RYR3: variants seen among roughly 807,000 people sequenced by gnomAD.
RYR3 encodes the protein brain ryanodine receptor-calcium release channel.
In RYR3, 207 loss-of-function variants were observed where a neutral mutation model predicts 584.3. That is an observed-to-expected ratio of 0.35 (90% CI 0.32 to 0.40). RYR3 has a LOEUF of 0.40. RYR3 is among the 10% of genes least tolerant of loss of function. The pLI is 1.00. For missense variants in RYR3, 5,616 were observed against 6,089.2 expected (o/e 0.92, Z 2.59); for synonymous variants, 2,416 against 2,248.5 (o/e 1.07, Z -2.11).
At chr15:33,701,118 C>A (rs767869128) in intron 42 of RYR3, 38 bp downstream of exon 42, 3 of 1,408,752 alleles carry the variant, frequency 2.1e-6, no homozygotes, top group Non-Finnish European at 3.0e-6. Flanking sequence ...GTGTTCTCTT[C>A]GGCCTGTAGT....
intron 2 of RYR3, among the ~76,000 whole-genome samples, chr15:33,481,204 A>G (rs2049933116): frequency 6.6e-6 from 1 of 152,106 alleles, no homozygotes; most frequent in African/African-American, 2.4e-5. Context: ...ATATCTTTAT[A>G]TTTAAAATGT....
chr15:33,490,931 G>A (rs968182903), intron 2 of RYR3, among the ~76,000 whole-genome samples: 1 of 152,118 alleles, frequency 6.6e-6, no homozygotes, highest in African/African-American at 2.4e-5. Context: ...TATCCATGGG[G>A]CTTGGCACGG....
At chr15:33,527,839 C>T (rs980446914) in intron 3 of RYR3, among the ~76,000 whole-genome samples, 1 of 152,104 alleles carries the variant, frequency 6.6e-6, no homozygotes, top group Non-Finnish European at 1.5e-5. Flanking sequence ...GCAGGGAGCA[C>T]AGTTGGAAGG....
intron 19 of RYR3, among the ~76,000 whole-genome samples, chr15:33,614,834 G>A (rs560962431): frequency 2.6e-5 from 4 of 151,742 alleles, no homozygotes; most frequent in African/African-American, 9.7e-5. Context: ...CAAAAGGAAT[G>A]TACATCAAAG....
chr15:33,555,255 T>A (rs2141293055), intron 10 of RYR3, among the ~76,000 whole-genome samples: 1 of 152,282 alleles, frequency 6.6e-6, no homozygotes, highest in African/African-American at 2.4e-5. Flanking sequence ...TGCACCTGTC[T>A]CTGAAACTCT....
intron 99 of RYR3, chr15:33,858,873 C>T (rs2080017477): frequency 6.6e-6 from 1 of 152,442 alleles, no homozygotes; most frequent in Non-Finnish European, 1.5e-5. Flanking sequence ...GGTAACACTT[C>T]TTGACGAAAA....
intron 1 of RYR3, among the ~76,000 whole-genome samples, chr15:33,429,464 C>G (rs1032002701): frequency 3.9e-5 from 6 of 152,226 alleles, no homozygotes; most frequent in African/African-American, 1.4e-4. Context: ...TGAAGGATTC[C>G]TCTTTCTTTC....
chr15:33,783,595 C>A (rs1389470787), intron 65 of RYR3, among the ~76,000 whole-genome samples: 1 of 152,188 alleles, frequency 6.6e-6, no homozygotes. Flanking sequence ...GATGTATTGT[C>A]TATGTGACAT....
chr15:33,495,399 G>A (rs2051325986), intron 2 of RYR3, among the ~76,000 whole-genome samples: 1 of 152,166 alleles, frequency 6.6e-6, no homozygotes, highest in Admixed American at 6.5e-5. Flanking sequence ...CCAGCGGTGT[G>A]ATTGTGGGGA....
At chr15:33,616,701 C>T (rs1181317616) in intron 19 of RYR3, among the ~76,000 whole-genome samples, 4 of 152,136 alleles carry the variant, frequency 2.6e-5, no homozygotes, top group African/African-American at 7.2e-5. Flanking sequence ...AAAAGCAGTG[C>T]CAGTGGGGTG....
chr15:33,809,681 G>A (rs1395534290), intron 70 of RYR3, among the ~76,000 whole-genome samples: 1 of 148,632 alleles, frequency 6.7e-6, no homozygotes, highest in Non-Finnish European at 1.5e-5. Flanking sequence ...TGTCACCCAC[G>A]CTGTAGTGCC....
At chr15:33,681,864 G>C (rs189986611) in intron 38 of RYR3, among the ~76,000 whole-genome samples, 1 of 152,170 alleles carries the variant, frequency 6.6e-6, no homozygotes, top group Non-Finnish European at 1.5e-5. Context: ...TACAACACCA[G>C]CGTAGGTTTG....
chr15:33,562,135 G>A (rs532309834), intron 10 of RYR3, among the ~76,000 whole-genome samples: 4 of 152,162 alleles, frequency 2.6e-5, no homozygotes, highest in African/African-American at 4.8e-5. Context: ...CTCATGACAC[G>A]CTATTGTGAC....
Position 33,603,124 on chromosome 15 carries a change from A to G in RYR3, c.1924A>G (p.Ile642Val), listed in dbSNP as rs146818373. 72 of 1,613,642 alleles carry G rather than the reference A, an allele frequency of 4.5e-5. No individual in the cohort carries two copies. Among genetic ancestry groups the G allele is most frequent in the Admixed American group, 6.7e-5 (4 of 59,990 alleles). ...QTRLINDVTS[I>V]RPNIFLGVAE... ...CCACTTGCCCATGTTTACTTTCAGT[A>G]TCCGGCCAAACATCTTCCTGGGAGT... Residue 642 changes from isoleucine (I) to valine (V), a missense_variant and splice_region_variant, in exon 18 of 104, where the codon ATC becomes GTC. Physicochemically the swap from Ile to Val is conservative, Grantham distance 29. Transcript: ENST00000634891.
At chr15:33,621,778 T>C (rs2060738261) in intron 19 of RYR3, among the ~76,000 whole-genome samples, 2 of 152,164 alleles carry the variant, frequency 1.3e-5, no homozygotes, top group African/African-American at 4.8e-5. Flanking sequence ...CCTTAGCACC[T>C]CTTTACTTAA....
At chr15:33,605,712 T>C (rs1029685932) in intron 18 of RYR3, among the ~76,000 whole-genome samples, 2 of 152,158 alleles carry the variant, frequency 1.3e-5, no homozygotes, top group East Asian at 1.9e-4. Context: ...GCAGAAGGGA[T>C]TGGAATATGT....
chr15:33,589,213 G>C (rs2059005609), intron 16 of RYR3, among the ~76,000 whole-genome samples: 1 of 152,206 alleles, frequency 6.6e-6, no homozygotes, highest in African/African-American at 2.4e-5. Flanking sequence ...GATGATTAGT[G>C]ACGCTGAGCA....
chr15:33,393,935 A>G (rs1037552045), intron 1 of RYR3, among the ~76,000 whole-genome samples: 4 of 152,234 alleles, frequency 2.6e-5, no homozygotes, highest in Admixed American at 2.0e-4. Flanking sequence ...CAGCCCTATG[A>G]GATAGATGTT....
chr15:33,688,617 T>C (rs542945064), intron 38 of RYR3, among the ~76,000 whole-genome samples: 1 of 148,036 alleles, frequency 6.8e-6, no homozygotes, highest in East Asian at 2.0e-4. Flanking sequence ...AACAGACACA[T>C]GGAAAAGTGT....
Sources: gnomAD v4.1 joint callset for allele counts (sites outside exome capture counted in the v4.1 genomes callset) on GRCh38, gnomAD v4.1.1 for gene constraint, MANE v1.5 for transcripts, NCBI Gene and HGNC (gene_info 2026-07-23, HGNC 2026-07-21) for gene names.